Variants in DSCAM observed in about 807,000 individuals in gnomAD.
DSCAM encodes cell adhesion molecule DSCAM.
In DSCAM, 47 loss-of-function variants were observed where a neutral mutation model predicts 217.7. The ratio of observed to expected loss-of-function variants is 0.22; its 90% CI spans 0.17 to 0.28. The LOEUF (loss-of-function observed/expected upper bound fraction) is 0.28, where lower values mean the gene tolerates loss of function less well. Among genes scored for constraint, DSCAM ranks in the 10% least tolerant of loss-of-function variants. The pLI is 1.00. For synonymous variants in DSCAM, 1,056 were observed against 1,015.3 expected (o/e 1.04, Z -0.76); for missense variants, 2,080 against 2,618.3 (o/e 0.79, Z 4.49).
At chr21:40,794,418 T>C (rs915264217) in intron 1 of DSCAM, among the ~76,000 whole-genome samples, 14 of 152,152 alleles carry the variant, frequency 9.2e-5, no homozygotes, top group Admixed American at 2.0e-4. Context: ...TCATTGGTCT[T>C]TGGGGACTCA....
chr21:40,199,967 C>T (rs973713634), intron 11 of DSCAM, among the ~76,000 whole-genome samples: 1 of 150,320 alleles, frequency 6.7e-6, no homozygotes, highest in Admixed American at 6.6e-5. Flanking sequence ...AAAAAACACC[C>T]ACAGTAGTAT....
intron 6 of DSCAM, among the ~76,000 whole-genome samples, chr21:40,342,610 ATGTG>A (rs58080164): frequency 1.7e-5 from 2 of 116,890 alleles, no homozygotes; most frequent in African/African-American, 7.3e-5. Flanking sequence ...GTATGTGTAT[ATGTG>A]TGTGTGTGTG....
intron 3 of DSCAM, among the ~76,000 whole-genome samples, chr21:40,608,803 A>G (rs1394314744): frequency 6.6e-6 from 1 of 152,200 alleles, no homozygotes; most frequent in Non-Finnish European, 1.5e-5. Context: ...GGATACAACA[A>G]TTTTGGTTTG....
chr21:40,513,695 A>T (rs1358091890), intron 3 of DSCAM, among the ~76,000 whole-genome samples: 1 of 152,112 alleles, frequency 6.6e-6, no homozygotes, highest in Non-Finnish European at 1.5e-5. Context: ...TGACCCAAAC[A>T]CCTTCCACTA....
At chr21:40,177,857 C>A (rs2090750313) in intron 15 of DSCAM, among the ~76,000 whole-genome samples, 1 of 152,154 alleles carries the variant, frequency 6.6e-6, no homozygotes, top group African/African-American at 2.4e-5. Context: ...CAAGATCAAC[C>A]TCTCTTGAAA....
chr21:40,727,285 C>T (rs1329051975), intron 1 of DSCAM, among the ~76,000 whole-genome samples: 1 of 152,106 alleles, frequency 6.6e-6, no homozygotes, highest in Non-Finnish European at 1.5e-5. Flanking sequence ...TTTCCTTGTC[C>T]ACTTAGCTAT....
At chr21:40,021,205 CAAAAAAA>C (rs763435750) in intron 32 of DSCAM, among the ~76,000 whole-genome samples, 85 of 85,082 alleles carry the variant, frequency 1.0e-3, no homozygotes, top group African/African-American at 4.0e-3. Flanking sequence ...GACTCCGTCT[CAAAAAAA>C]AAAAAAAAAA....
At chr21:40,470,829 C>T (rs932424842) in intron 3 of DSCAM, among the ~76,000 whole-genome samples, 1 of 152,190 alleles carries the variant, frequency 6.6e-6, no homozygotes, top group South Asian at 2.1e-4. Flanking sequence ...GATGGGATTA[C>T]AAGTGTGAGC....
intron 20 of DSCAM, among the ~76,000 whole-genome samples, chr21:40,108,855 A>G (rs2089856860): frequency 6.6e-6 from 1 of 152,196 alleles, no homozygotes; most frequent in Admixed American, 6.5e-5. Flanking sequence ...GCACATCTAC[A>G]ACTATCTAAT....
At chr21:40,832,136 G>T (rs2092016204) in intron 1 of DSCAM, among the ~76,000 whole-genome samples, 2 of 152,218 alleles carry the variant, frequency 1.3e-5, no homozygotes, top group African/African-American at 4.8e-5. Context: ...AGAATGAACA[G>T]AGGCGTAGTC....
At chr21:40,314,301 T>C (rs114354293) in intron 8 of DSCAM, among the ~76,000 whole-genome samples, 2,018 of 152,306 alleles carry the variant, frequency 0.013, 52 homozygotes, top group African/African-American at 0.046. Context: ...CAAGTTAGGT[T>C]TTACCAGGGA....
At chr21:40,737,163 A>G (rs2091072395) in intron 1 of DSCAM, among the ~76,000 whole-genome samples, 1 of 152,170 alleles carries the variant, frequency 6.6e-6, no homozygotes, top group Non-Finnish European at 1.5e-5. Flanking sequence ...TTGCTTTACT[A>G]GTGAATTTCT....
intron 3 of DSCAM, among the ~76,000 whole-genome samples, chr21:40,525,097 G>GAT (rs1193592272): frequency 6.6e-6 from 1 of 151,046 alleles, no homozygotes; most frequent in Non-Finnish European, 1.5e-5. Flanking sequence ...TTACACCAGT[G>GAT]ATATGCTAGA....
chr21:40,066,277 G>A (rs2089205635), intron 27 of DSCAM, among the ~76,000 whole-genome samples: 1 of 152,236 alleles, frequency 6.6e-6, no homozygotes, highest in Non-Finnish European at 1.5e-5. Context: ...ATTTAATTGT[G>A]AGAGACATCT....
chr21:40,199,950 A>C (rs1479944444), intron 11 of DSCAM, among the ~76,000 whole-genome samples: 1 of 151,760 alleles, frequency 6.6e-6, no homozygotes, highest in East Asian at 1.9e-4. Context: ...TTAAAAAAAC[A>C]AAAAACAAAA....
At chr21:40,519,073 C>T (rs1179686835) in intron 3 of DSCAM, among the ~76,000 whole-genome samples, 1 of 152,136 alleles carries the variant, frequency 6.6e-6, no homozygotes, top group Non-Finnish European at 1.5e-5. Flanking sequence ...TACTGTCATA[C>T]ATGTAGTCCG....
chr21:40,381,018 G>A (rs139849482), intron 3 of DSCAM, among the ~76,000 whole-genome samples: 14,163 of 143,672 alleles, frequency 0.099, 992 homozygotes, highest in Admixed American at 0.23. Flanking sequence ...AGCCGAGATC[G>A]TGCCACTGCA....
chr21:40,634,823 C>T (rs2089735224), intron 3 of DSCAM, among the ~76,000 whole-genome samples: 1 of 152,212 alleles, frequency 6.6e-6, no homozygotes, highest in Non-Finnish European at 1.5e-5. Context: ...GTCCACCTCT[C>T]AGAAACCTTC....
intron 3 of DSCAM, among the ~76,000 whole-genome samples, chr21:40,446,553 C>A (rs964223113): frequency 1.3e-5 from 2 of 152,122 alleles, no homozygotes; most frequent in African/African-American, 4.8e-5. Flanking sequence ...TAAGGAAGAG[C>A]GATTCCCAGT....
Sources: allele counts gnomAD v4.1 joint callset (sites outside exome capture counted in the v4.1 genomes callset), GRCh38; gene constraint gnomAD v4.1.1; transcripts MANE v1.5; gene names NCBI Gene and HGNC (gene_info 2026-07-23, HGNC 2026-07-21).